Variants in PDE8B observed in about 807,000 individuals in gnomAD.
The protein encoded by PDE8B is phosphodiesterase 8B, also known as high affinity cAMP-specific and IBMX-insensitive 3',5'-cyclic phosphodiesterase 8B.
In PDE8B, 26 loss-of-function variants were observed where a neutral mutation model predicts 101.3. The observed-to-expected ratio is 0.26, with a 90% CI of 0.19 to 0.36. The LOEUF (loss-of-function observed/expected upper bound fraction) is 0.36, where lower values mean the gene tolerates loss of function less well. Among genes scored for constraint, PDE8B ranks in the 10% least tolerant of loss-of-function variants. PDE8B has a pLI of 1.00. For missense variants in PDE8B, 810 were observed against 1,163.1 expected, an observed-to-expected ratio of 0.70 and a Z score of 4.42; for synonymous variants, 424 against 429.3, an observed-to-expected ratio of 0.99 and a Z score of 0.15.
At chr5:77,302,195 T>C (rs1770107597) in intron 1 of PDE8B, among the ~76,000 whole-genome samples, 1 of 152,178 alleles carries the variant, frequency 6.6e-6, no homozygotes, top group Non-Finnish European at 1.5e-5. Flanking sequence ...ATGACTTCTG[T>C]GTTTATTTTT....
At chr5:77,361,189 A>G (rs1783033558) in intron 10 of PDE8B, among the ~76,000 whole-genome samples, 1 of 152,180 alleles carries the variant, frequency 6.6e-6, no homozygotes, top group African/African-American at 2.4e-5. Context: ...TCCCAACTCC[A>G]CATTCAGTGA....
Position 77,427,918 on chromosome 5 carries a change from T to TC in PDE8B, c.*1366dup. ...TTAATTGAATCAGTAATTACTTTTTTCCAATACAAATTGGAATGCAGAATA... is the reference window on the plus strand; with the variant it reads ...TTAATTGAATCAGTAATTACTTTTTTCCCAATACAAATTGGAATGCAGAATA... On this transcript the variant is annotated 3_prime_UTR_variant, in exon 22 of 22. Transcript: ENST00000264917. 1 of 152,344 alleles carries TC rather than the reference T, an allele frequency of 6.6e-6. No homozygotes were observed. The highest frequency in any genetic ancestry group is 2.1e-4 in the South Asian group (1 of 4,834). The allele number at this position is 152,344 out of a possible 1,614,324, so 9.4% of individuals were successfully genotyped here.
At chr5:77,118,446 G>C in the PDE8B span, 400 of 398,636 alleles carry the variant, frequency 1.0e-3, no homozygotes, top group African/African-American at 7.6e-3. Context: ...AGGTGCTTCA[G>C]AGTACTCTGG....
intron 6 of PDE8B, among the ~76,000 whole-genome samples, chr5:77,340,264 T>C (rs1003698439): frequency 5.3e-5 from 8 of 152,332 alleles, no homozygotes; most frequent in Admixed American, 2.6e-4. Context: ...AGAATCAAAA[T>C]TTTTGGTGGG....
chr5:77,408,604 A>AG (rs1372002962), intron 13 of PDE8B, among the ~76,000 whole-genome samples: 4 of 152,088 alleles, frequency 2.6e-5, no homozygotes, highest in Admixed American at 2.0e-4. Context: ...AGAGTGAGAG[A>AG]GGGGCCCAGA....
At chr5:77,260,496 T>G (rs1232295656) in intron 1 of PDE8B, among the ~76,000 whole-genome samples, 1 of 151,988 alleles carries the variant, frequency 6.6e-6, no homozygotes, top group African/African-American at 2.4e-5. Flanking sequence ...AATATATCCA[T>G]AGACATCAGT....
chr5:77,353,580 CA>C (rs1781545352), intron 10 of PDE8B, among the ~76,000 whole-genome samples, 174 bp downstream of exon 10: 1 of 152,136 alleles, frequency 6.6e-6, no homozygotes, highest in Non-Finnish European at 1.5e-5. Context: ...TATTTCCCAG[CA>C]AACCTATATC....
At chr5:77,095,038 A>G in the PDE8B span, among the ~76,000 whole-genome samples, 12 of 152,362 alleles carry the variant, frequency 7.9e-5, 1 homozygote, top group East Asian at 2.3e-3. Flanking sequence ...GAGCCACGTC[A>G]GCTCTGTAAG....
intron 1 of PDE8B, among the ~76,000 whole-genome samples, chr5:77,283,119 T>C (rs1430040451): frequency 6.6e-6 from 1 of 152,232 alleles, no homozygotes; most frequent in Non-Finnish European, 1.5e-5. Context: ...TTTTACATTA[T>C]GTAAGTAAGC....
the PDE8B span, among the ~76,000 whole-genome samples, chr5:77,139,051 A>T: frequency 6.6e-6 from 1 of 152,232 alleles, no homozygotes; most frequent in Non-Finnish European, 1.5e-5. Flanking sequence ...CCTGGAATCA[A>T]GTCGTTCCCA....
chr5:77,287,599 C>T (rs1440247505), intron 1 of PDE8B, among the ~76,000 whole-genome samples: 8 of 152,132 alleles, frequency 5.3e-5, no homozygotes, highest in Non-Finnish European at 1.0e-4. Context: ...GTATGTGACA[C>T]CTTTTCTCTG....
At chr5:77,164,199 GC>G in the PDE8B span, among the ~76,000 whole-genome samples, 1 of 152,302 alleles carries the variant, frequency 6.6e-6, no homozygotes, top group East Asian at 1.9e-4. Context: ...AAACCAATTG[GC>G]ATTGTGGAAC....
At chr5:77,337,526 G>A (rs1333601941) in intron 6 of PDE8B, among the ~76,000 whole-genome samples, 1 of 152,128 alleles carries the variant, frequency 6.6e-6, no homozygotes, top group Non-Finnish European at 1.5e-5. Flanking sequence ...TCTTTTGACA[G>A]TATTTTCCAC....
At chr5:77,183,338 T>G in the PDE8B span, among the ~76,000 whole-genome samples, 1 of 152,126 alleles carries the variant, frequency 6.6e-6, no homozygotes, top group Non-Finnish European at 1.5e-5. Context: ...CAGGCTGGTC[T>G]CGAACTCCTG....
intron 1 of PDE8B, among the ~76,000 whole-genome samples, chr5:77,219,016 G>A (rs1236592746): frequency 6.6e-6 from 1 of 152,120 alleles, no homozygotes. Flanking sequence ...GCTTCACTTG[G>A]ATTTCCAGAG....
the PDE8B span, among the ~76,000 whole-genome samples, chr5:77,133,901 G>C: frequency 6.6e-6 from 1 of 152,190 alleles, no homozygotes; most frequent in Admixed American, 6.5e-5. Context: ...TGGCAAGTCA[G>C]CTATATTGGG....
At chr5:77,217,540 ATT>A (rs1249299993) in intron 1 of PDE8B, among the ~76,000 whole-genome samples, 3 of 145,100 alleles carry the variant, frequency 2.1e-5, no homozygotes, top group African/African-American at 2.5e-5. Flanking sequence ...GAAAACACCA[ATT>A]TTTTTTTTTT....
intron 6 of PDE8B, 111 bp from the exon 7 acceptor site, chr5:77,344,741 CA>C (rs1450138558): frequency 2.5e-6 from 2 of 797,086 alleles, no homozygotes; most frequent in African/African-American, 3.4e-5. Flanking sequence ...ATGGCAATAA[CA>C]AAAAGTACGT....
At chr5:77,328,175 T>C (rs759679643) in intron 3 of PDE8B, among the ~76,000 whole-genome samples, 1 of 152,222 alleles carries the variant, frequency 6.6e-6, no homozygotes, top group Non-Finnish European at 1.5e-5. Flanking sequence ...AGCAAGCTGC[T>C]GATTCACACC....
Sources: gnomAD v4.1 joint callset for allele counts (sites outside exome capture counted in the v4.1 genomes callset) on GRCh38, gnomAD v4.1.1 for gene constraint, MANE v1.5 for transcripts, NCBI Gene and HGNC (gene_info 2026-07-23, HGNC 2026-07-21) for gene names.